The following C1QTNF1 variants were observed in gnomAD, a reference collection of about 807,000 sequenced individuals.
C1QTNF1 encodes complement C1q tumor necrosis factor-related protein 1.
C1QTNF1 carries 22 observed loss-of-function variants against 27.8 expected under a neutral mutation model. The ratio of observed to expected loss-of-function variants is 0.79; its 90% CI spans 0.56 to 1.13. The LOEUF (loss-of-function observed/expected upper bound fraction) is 1.13, where lower values mean the gene tolerates loss of function less well. Among genes scored for constraint, C1QTNF1 ranks in the 50% most tolerant of loss-of-function variants. The pLI, the probability that C1QTNF1 is intolerant of heterozygous loss-of-function variation, is 0.00. For synonymous variants in C1QTNF1, 166 were observed against 154.3 expected (o/e 1.08, Z -0.56); for missense variants, 373 against 380.2 (o/e 0.98, Z 0.16).
chr17:79,040,425 C>G (rs1264733667), intron 1 of C1QTNF1, among the ~76,000 whole-genome samples: 3 of 151,820 alleles, frequency 2.0e-5, no homozygotes, highest in Non-Finnish European at 4.4e-5. Context: ...GAGTGAGACC[C>G]TGTATCAAAA....
intron 1 of C1QTNF1, among the ~76,000 whole-genome samples, chr17:79,039,757 T>C (rs2145913240): frequency 6.6e-6 from 1 of 152,152 alleles, no homozygotes; most frequent in East Asian, 1.9e-4. Flanking sequence ...GTTTTGTAGT[T>C]ACTTTCCAAC....
intron 1 of C1QTNF1, among the ~76,000 whole-genome samples, chr17:79,030,914 A>T (rs1310286573): frequency 6.8e-6 from 1 of 147,084 alleles, no homozygotes; most frequent in Non-Finnish European, 1.5e-5. Flanking sequence ...ACATCTTTCC[A>T]TGTCAGTAAA....
intron 2 of C1QTNF1, among the ~76,000 whole-genome samples, chr17:79,045,821 G>A (rs1041610479): frequency 3.7e-4 from 56 of 152,168 alleles, no homozygotes; most frequent in African/African-American, 1.2e-3. Flanking sequence ...GAGAGGTAGG[G>A]GTGAGATGTC....
At chr17:79,043,578 G>A in intron 1 of C1QTNF1, 2 of 439,642 alleles carry the variant, frequency 4.5e-6, no homozygotes, top group Admixed American at 4.8e-5. Flanking sequence ...GTACATGTGT[G>A]TGGATTACAT....
intron 2 of C1QTNF1, 58 bp downstream of exon 2, chr17:79,044,181 G>A (rs2072505857): frequency 1.3e-6 from 2 of 1,487,790 alleles, no homozygotes; most frequent in Admixed American, 2.5e-5. Context: ...GCTGAGCCTG[G>A]GCCTTGGGGC....
chr17:79,028,088 A>G (rs2072022496), intron 1 of C1QTNF1, among the ~76,000 whole-genome samples: 1 of 152,186 alleles, frequency 6.6e-6, no homozygotes, highest in Non-Finnish European at 1.5e-5. Context: ...TGGCTCCTGT[A>G]GGAATTTTCC....
upstream of C1QTNF1, among the ~76,000 whole-genome samples, chr17:79,023,704 G>GCGCACACACACACACA (rs1267428917): frequency 1.9e-4 from 27 of 145,030 alleles, no homozygotes; most frequent in African/African-American, 6.2e-4. Flanking sequence ...GCGCGCGCGC[G>GCGCACACACACACACA]CACACACACA....
upstream of C1QTNF1, among the ~76,000 whole-genome samples, chr17:79,023,704 G>GCGTGCGCACACA (rs1267428917): frequency 8.2e-4 from 119 of 145,024 alleles, 1 homozygote; most frequent in South Asian, 0.026. Flanking sequence ...GCGCGCGCGC[G>GCGTGCGCACACA]CACACACACA....
At position 79,046,959 on chromosome 17, in the gene C1QTNF1, C is replaced by T. The variant is rs974814720; in HGVS notation, c.295+265C>T. On this transcript the variant is annotated intron_variant, in intron 3 of 3. Transcript: ENST00000579760. This position sits in a 1 kb window ranked among gnomAD's most constrained non-coding sequence, Gnocchi z 4.8. ...GGAGCCCAGAGGCTACTCGGGGTCT[C>T]GTCCCTCCAGTTGTATGTGGACGCC... 7.9e-6 allele frequency: 4 copies of T among 507,148 alleles called. No homozygotes were observed. The highest frequency in any genetic ancestry group is 3.4e-5 in the East Asian group (1 of 29,256). 31.4% of individuals were successfully genotyped at this position (507,148 alleles called of 1,614,324 possible). A position where few individuals can be genotyped will look rare whatever the true frequency, so the allele number is the denominator to read the frequency against.
chr17:79,028,367 G>A (rs1398176171), intron 1 of C1QTNF1, among the ~76,000 whole-genome samples: 1 of 152,238 alleles, frequency 6.6e-6, no homozygotes, highest in East Asian at 1.9e-4. Flanking sequence ...TGCTGGGAAA[G>A]CTGCCAGCCC....
chr17:79,047,017 C>T (rs1389853303), intron 3 of C1QTNF1: 1 of 329,892 alleles, frequency 3.0e-6, no homozygotes, highest in African/African-American at 2.1e-5. Flanking sequence ...GGGGCTTGGT[C>T]CCCCAGCCTG....
At chr17:79,036,190 T>G (rs1203397124) in intron 1 of C1QTNF1, among the ~76,000 whole-genome samples, 1 of 152,150 alleles carries the variant, frequency 6.6e-6, no homozygotes, top group Non-Finnish European at 1.5e-5. Flanking sequence ...ATTTTTATGT[T>G]TTGAGAGAGG....
Position 79,047,531 on chromosome 17 carries a change from C to T in C1QTNF1, c.296-7C>T, listed in dbSNP as rs1418434094. On this transcript the variant is annotated splice_region_variant and splice_polypyrimidine_tract_variant and intron_variant, in intron 3 of 3. Transcript: ENST00000579760. ...ATTAACAGCACGCGTTTTCCCATCC[C>T]TTTTAGGGGAGAAGGGTGACCGCGG... is the stretch of plus-strand genomic sequence containing the variant. 1.3e-6 allele frequency: 2 copies of T among 1,521,534 alleles called. No individual in the cohort carries two copies. Among genetic ancestry groups the T allele is most frequent in the African/African-American group, 2.8e-5 (2 of 71,752 alleles). 94.3% of individuals were successfully genotyped at this position (1,521,534 alleles called of 1,614,324 possible).
Position 79,048,263 on chromosome 17 carries a change from G to C in C1QTNF1, c.*175G>C. ...TCCCAGATCCCGCAGCCTCTGGAGA[G>C]AGCTGACGGCAGATGAAATCACCAG... On this transcript the variant is annotated 3_prime_UTR_variant, in exon 4 of 4. Coordinates refer to ENST00000579760, the MANE Select transcript of C1QTNF1 (RefSeq NM_030968.5). The C allele has an allele frequency of 4.4e-6, 3 of 680,194 alleles. No individual in the cohort carries two copies. The highest frequency in any genetic ancestry group is 7.0e-6 in the Non-Finnish European group (3 of 428,148). The allele number at this position is 680,194 out of a possible 1,614,324, so 42.1% of individuals were successfully genotyped here. A position where few individuals can be genotyped will look rare whatever the true frequency, so the allele number is the denominator to read the frequency against.
chr17:79,035,484 G>A lies in C1QTNF1; in HGVS notation c.-14-8471G>A, dbSNP rs572219688. 7.9e-5 allele frequency among the ~76,000 whole-genome samples: 12 copies of A among 151,420 alleles called. No individual in the cohort carries two copies. In the South Asian group the frequency reaches 2.5e-3, roughly 32 times the overall value. On this transcript the variant is annotated intron_variant, in intron 1 of 3. Coordinates refer to ENST00000579760, the MANE Select transcript of C1QTNF1 (RefSeq NM_030968.5). The stretch of plus-strand genomic sequence containing the variant: ...CTCACTTTGTTGCACAGGTTGGAGT[G>A]CAGTGATGCGATCTCAGCTCACTGC...
At chr17:79,044,724 A>G (rs114180857) in intron 2 of C1QTNF1, among the ~76,000 whole-genome samples, 3,169 of 152,292 alleles carry the variant, frequency 0.021, 103 homozygotes, top group African/African-American at 0.071. Flanking sequence ...AGGGAAGCCG[A>G]GTGCTTCATC....
chr17:79,043,032 GTA>G (rs1240735307), intron 1 of C1QTNF1, among the ~76,000 whole-genome samples: 2 of 151,966 alleles, frequency 1.3e-5, no homozygotes, highest in Non-Finnish European at 2.9e-5. Flanking sequence ...TGGATTGCAT[GTA>G]TATGAATGTG....
At position 79,030,079 on chromosome 17, in the gene C1QTNF1, T is replaced by G. The variant is rs561023116; in HGVS notation, c.-15+5585T>G. Among the ~76,000 whole-genome samples the G allele has an allele frequency of 2.6e-5, 4 of 152,228 alleles. No homozygotes were observed. In the South Asian group the frequency reaches 8.3e-4, roughly 32 times the overall value. On this transcript the variant is annotated intron_variant, in intron 1 of 3. Transcript: ENST00000579760. ...GCTCTCTTTTCTCCCCATCCTACTC[T>G]TCTATGCATCTAGTCGAGTTTCCTG...
At chr17:79,024,788 G>A (rs1052671051) in intron 1 of C1QTNF1, 7 of 152,410 alleles carry the variant, frequency 4.6e-5, no homozygotes, top group African/African-American at 1.7e-4. Flanking sequence ...ATACTAACGG[G>A]AGGAATTGCA....
Sources: gnomAD v4.1 joint callset for allele counts (sites outside exome capture counted in the v4.1 genomes callset) on GRCh38, gnomAD v4.1.1 for gene constraint, Gnocchi (gnomAD v3.1) non-coding constraint, MANE v1.5 for transcripts, NCBI Gene and HGNC (gene_info 2026-07-23, HGNC 2026-07-21) for gene names.